RAB37: variants seen among roughly 807,000 people sequenced by gnomAD.
The protein encoded by RAB37 is ras-related protein Rab-37.
RAB37 carries 29 observed loss-of-function variants against 33.1 expected under a neutral mutation model. The ratio of observed to expected loss-of-function variants is 0.88; its 90% CI spans 0.65 to 1.20. The LOEUF is 1.20. RAB37 is among the 50% of genes most tolerant of loss of function. RAB37 has a pLI of 0.00. For synonymous variants in RAB37, 128 were observed against 119.5 expected, an observed-to-expected ratio of 1.07 and a Z score of -0.47; for missense variants, 299 against 301.1, an observed-to-expected ratio of 0.99 and a Z score of 0.05.
At chr17:74,721,433 CTTT>C (rs1365134844) in intron 1 of RAB37, among the ~76,000 whole-genome samples, 10 of 138,372 alleles carry the variant, frequency 7.2e-5, no homozygotes, top group Admixed American at 2.2e-4. Context: ...TCTTGGTTTA[CTTT>C]TTTTTTTTTT....
In RAB37 at chr17:74,746,095, A is replaced by T. The variant is rs1224446658; in HGVS notation, c.*684A>T. The T allele has an allele frequency of 6.6e-6, 1 of 152,162 alleles. No homozygotes were observed. The highest frequency in any genetic ancestry group is 1.5e-5 in the Non-Finnish European group (1 of 68,078). 9.4% of individuals were successfully genotyped at this position (152,162 alleles called of 1,614,324 possible). A position where few individuals can be genotyped will look rare whatever the true frequency, so the allele number is the denominator to read the frequency against. ...CACAAGCACATTGGGGCACCTGGAA[A>T]TATTGGTTCCAGGCTCCTGTTCTCT... is the stretch of plus-strand genomic sequence containing the variant. On this transcript the variant is annotated 3_prime_UTR_variant, in exon 9 of 9. Transcript: ENST00000392613. The surrounding 1 kb of genome is among the most constrained non-coding windows in gnomAD (Gnocchi z 5.2).
At position 74,746,873 on chromosome 17, in the gene RAB37, G is replaced by C. The variant is rs1598334062; in HGVS notation, c.*1462G>C. The C allele has an allele frequency of 6.6e-6, 1 of 152,192 alleles. No homozygotes were observed. The highest frequency in any genetic ancestry group is 2.4e-5 in the African/African-American group (1 of 41,430). 9.4% of individuals were successfully genotyped at this position (152,192 alleles called of 1,614,324 possible). A position where few individuals can be genotyped will look rare whatever the true frequency, so the allele number is the denominator to read the frequency against. On this transcript the variant is annotated 3_prime_UTR_variant, in exon 9 of 9. Coordinates refer to ENST00000392613, the MANE Select transcript of RAB37 (RefSeq NM_001006638.3). This position sits in a 1 kb window ranked among gnomAD's most constrained non-coding sequence, Gnocchi z 5.2. ...GTGGTGGGAGGTCACCCATTTCCGA[G>C]TTAAACCAATGCAATATGAGTAAAA...
rs572976029 is a variant in RAB37 at position 74,702,936 on chromosome 17, G to A, written c.73-26320G>A. On this transcript the variant is annotated intron_variant, in intron 1 of 7. Coordinates refer to the RAB37 transcript ENST00000340415. ...CTCATCCTCACCAAGGAGCATGCAG[G>A]TCCCAGACAAAGCTCAGGCTGGAAA... The A allele has an allele frequency of 2.1e-5, 21 of 999,138 alleles. No individual in the cohort carries two copies. The East Asian group carries it at 3.6e-4, about 17-fold the overall frequency. The allele number at this position is 999,138 out of a possible 1,614,324, so 61.9% of individuals were successfully genotyped here.
At chr17:74,702,432 G>T (rs756572253) in intron 1 of RAB37, among the ~76,000 whole-genome samples, 3 of 152,174 alleles carry the variant, frequency 2.0e-5, no homozygotes, top group Non-Finnish European at 4.4e-5. Flanking sequence ...TTCCACATGG[G>T]GTGGTTGTAG....
intron 1 of RAB37, chr17:74,704,791 G>T (rs200489852): frequency 6.2e-7 from 1 of 1,613,246 alleles, no homozygotes; most frequent in Non-Finnish European, 8.5e-7. Context: ...TTGTTGGACC[G>T]GTGATTTGAG....
chr17:74,737,029 C>A (rs1346172490), upstream of RAB37: 2 of 1,606,364 alleles, frequency 1.2e-6, no homozygotes, highest in African/African-American at 2.7e-5. Context: ...ATGTCCGAAG[C>A]GCACGGAGCC....
chr17:74,732,868 G>A (rs1424639192), upstream of RAB37, among the ~76,000 whole-genome samples: 2 of 146,800 alleles, frequency 1.4e-5, no homozygotes, highest in Admixed American at 1.4e-4. Flanking sequence ...CTTTCAACAC[G>A]CATGAGGGTC....
intron 1 of RAB37, chr17:74,695,661 G>C: frequency 6.2e-7 from 1 of 1,609,712 alleles, no homozygotes; most frequent in Non-Finnish European, 8.5e-7. Flanking sequence ...CCCTCCAACG[G>C]GGTGCAACGG....
Position 74,746,627 on chromosome 17 carries a change from A to T in RAB37, c.*1216A>T, listed in dbSNP as rs2034766010. On this transcript the variant is annotated 3_prime_UTR_variant, in exon 9 of 9. Transcript: ENST00000392613. The surrounding 1 kb of genome is among the most constrained non-coding windows in gnomAD (Gnocchi z 5.2). ...CTCCTGGGTTAAGAGCCAGATAAGG[A>T]GAAATCCCTTTCCTAGGTTTGGAAT... is the stretch of plus-strand genomic sequence containing the variant. 6.6e-6 allele frequency: 1 copy of T among 152,194 alleles called. No homozygotes were observed. The highest frequency in any genetic ancestry group is 1.5e-5 in the Non-Finnish European group (1 of 68,024). 9.4% of individuals were successfully genotyped at this position (152,194 alleles called of 1,614,324 possible).
intron 1 of RAB37, among the ~76,000 whole-genome samples, chr17:74,697,833 T>C (rs2032644023): frequency 6.6e-6 from 1 of 152,156 alleles, no homozygotes; most frequent in Non-Finnish European, 1.5e-5. Context: ...AATTTCCTGA[T>C]CAGACTTGGA....
At chr17:74,695,042 T>A (rs1053268717) in intron 1 of RAB37, 13 of 1,555,648 alleles carry the variant, frequency 8.4e-6, no homozygotes, top group Non-Finnish European at 1.1e-5. Flanking sequence ...AGACGGTCGA[T>A]GAGGCAGGAG....
intron 1 of RAB37, among the ~76,000 whole-genome samples, chr17:74,702,699 G>T (rs551144296): frequency 6.6e-6 from 1 of 152,040 alleles, no homozygotes; most frequent in African/African-American, 2.4e-5. Context: ...CCAACTCATC[G>T]GTCTCCCACA....
At chr17:74,737,428 C>T (rs576432704) in intron 1 of RAB37, 63 bp downstream of exon 1, 1 of 1,481,090 alleles carries the variant, frequency 6.8e-7, no homozygotes, top group East Asian at 2.5e-5. Context: ...CTGGCTGCGT[C>T]TGGGTTGGAC....
At chr17:74,674,200 C>A (rs1453484727) in intron 1 of RAB37, among the ~76,000 whole-genome samples, 1 of 152,060 alleles carries the variant, frequency 6.6e-6, no homozygotes, top group African/African-American at 2.4e-5. Flanking sequence ...TCAGCCTCCC[C>A]AGTAACTGGA....
intron 1 of RAB37, among the ~76,000 whole-genome samples, chr17:74,679,769 G>A (rs2031914755): frequency 6.6e-6 from 1 of 152,094 alleles, no homozygotes; most frequent in African/African-American, 2.4e-5. Flanking sequence ...CATGAGGTCA[G>A]TAGTTTGAGA....
At chr17:74,716,624 CTAGT>C (rs1220493108) in intron 1 of RAB37, among the ~76,000 whole-genome samples, 4 of 151,960 alleles carry the variant, frequency 2.6e-5, no homozygotes, top group Non-Finnish European at 5.9e-5. Flanking sequence ...GGTCACATAG[CTAGT>C]AAGTGGCAGA....
chr17:74,729,187 C>A lies in RAB37; in HGVS notation c.73-69C>A. 4 of 1,077,870 alleles carry A rather than the reference C, an allele frequency of 3.7e-6. No homozygotes were observed. The highest frequency in any genetic ancestry group is 5.8e-6 in the Non-Finnish European group (4 of 691,160). The allele number at this position is 1,077,870 out of a possible 1,614,324, so 66.8% of individuals were successfully genotyped here. A position where few individuals can be genotyped will look rare whatever the true frequency, so the allele number is the denominator to read the frequency against. On this transcript the variant is annotated intron_variant, in intron 1 of 7. Transcript: ENST00000340415. This position sits in a 1 kb window ranked among gnomAD's most constrained non-coding sequence, Gnocchi z 4.2. ...GCTTAGAAAGAATCCACTCCCACAGCCACAAGGACACCTCTGAGGCCAACT... is the reference window on the plus strand; with the variant it reads ...GCTTAGAAAGAATCCACTCCCACAGACACAAGGACACCTCTGAGGCCAACT...
intron 1 of RAB37, among the ~76,000 whole-genome samples, chr17:74,678,589 C>A (rs2031890364): frequency 6.6e-6 from 1 of 152,170 alleles, no homozygotes. Flanking sequence ...AATGCACATG[C>A]TTTTAGGTAT....
chr17:74,725,194 A>G (rs1172292034), intron 1 of RAB37, among the ~76,000 whole-genome samples: 1 of 149,816 alleles, frequency 6.7e-6, no homozygotes, highest in Non-Finnish European at 1.5e-5. Flanking sequence ...TCCTGTCCCC[A>G]GCCCCCCACC....
Sources: gnomAD v4.1 joint callset for allele counts (sites outside exome capture counted in the v4.1 genomes callset) on GRCh38, gnomAD v4.1.1 for gene constraint, Gnocchi (gnomAD v3.1) non-coding constraint, MANE v1.5 for transcripts, NCBI Gene and HGNC (gene_info 2026-07-23, HGNC 2026-07-21) for gene names.